WDR7: variants seen among roughly 807,000 people sequenced by gnomAD.
WDR7 encodes the protein WD repeat domain 7.
Under a neutral mutation model 169.4 loss-of-function variants are expected in WDR7, and 46 were observed. The observed-to-expected ratio is 0.27, with a 90% CI of 0.21 to 0.35. The LOEUF is 0.35. WDR7 is among the 10% of genes least tolerant of loss of function. The pLI is 1.00. For synonymous variants in WDR7, 612 were observed against 666.8 expected, an observed-to-expected ratio of 0.92 and a Z score of 1.27; for missense variants, 1,534 against 1,859.3, an observed-to-expected ratio of 0.83 and a Z score of 3.22.
intron 1 of WDR7, among the ~76,000 whole-genome samples, chr18:56,658,861 C>T (rs2024837814): frequency 6.6e-6 from 1 of 152,024 alleles, no homozygotes; most frequent in African/African-American, 2.4e-5. Context: ...TACAGGCGTG[C>T]ACCACTGTGC....
intron 16 of WDR7, 28 bp downstream of exon 16, chr18:56,758,981 A>C: frequency 6.4e-7 from 1 of 1,571,904 alleles, no homozygotes; most frequent in Non-Finnish European, 8.7e-7. Flanking sequence ...TAAGTAATTG[A>C]CATGACATTT....
intron 26 of WDR7, among the ~76,000 whole-genome samples, chr18:56,984,066 G>GA (rs1372759766): frequency 2.1e-5 from 3 of 142,786 alleles, no homozygotes; most frequent in Non-Finnish European, 4.8e-5. Flanking sequence ...TTATCCGTTT[G>GA]AAAAAAAGAA....
chr18:56,993,737 C>T (rs1358135015), intron 26 of WDR7, among the ~76,000 whole-genome samples: 3 of 152,070 alleles, frequency 2.0e-5, no homozygotes, highest in African/African-American at 7.2e-5. Context: ...TGTGTTTTTC[C>T]TGTTCATCCG....
At chr18:56,795,900 A>G (rs1041767759) in intron 19 of WDR7, among the ~76,000 whole-genome samples, 5 of 152,152 alleles carry the variant, frequency 3.3e-5, no homozygotes, top group Admixed American at 2.0e-4. Context: ...AGTTACATTC[A>G]TTTGTTTCAT....
intron 20 of WDR7, among the ~76,000 whole-genome samples, chr18:56,844,412 T>C (rs561523035): frequency 1.3e-5 from 2 of 152,326 alleles, no homozygotes; most frequent in South Asian, 4.1e-4. Context: ...ACTTCATTTA[T>C]ATGAGAGTGG....
rs1229856439 is a variant in WDR7 at position 56,651,580 on chromosome 18, A to AC, written c.-20+4_-20+5insC. ...GCATGAGATGAAGCTGTGACAGGTA[A>AC]GGGGGCTTTCAAGCTTCTCCATGGG... On this transcript the variant is annotated splice_donor_region_variant and intron_variant, in intron 1 of 27. Coordinates refer to ENST00000254442, the MANE Select transcript of WDR7 (RefSeq NM_015285.3). 2 of 152,544 alleles carry AC rather than the reference A, an allele frequency of 1.3e-5. No homozygotes were observed. Among genetic ancestry groups the AC allele is most frequent in the Non-Finnish European group, 2.9e-5 (2 of 68,320 alleles). The allele number at this position is 152,544 out of a possible 1,614,324, so 9.4% of individuals were successfully genotyped here.
intron 20 of WDR7, among the ~76,000 whole-genome samples, chr18:56,832,307 A>T (rs1452048674): frequency 6.6e-6 from 1 of 152,216 alleles, no homozygotes; most frequent in African/African-American, 2.4e-5. Context: ...TTCTCTGGGC[A>T]GGGCATCTCT....
At chr18:56,809,920 T>C (rs1235484551) in intron 19 of WDR7, among the ~76,000 whole-genome samples, 1 of 152,116 alleles carries the variant, frequency 6.6e-6, no homozygotes, top group Non-Finnish European at 1.5e-5. Context: ...AAATTTTGCT[T>C]TACCTCTTTA....
chr18:56,785,863 G>A (rs955748834), intron 19 of WDR7, among the ~76,000 whole-genome samples: 93 of 145,308 alleles, frequency 6.4e-4, no homozygotes, highest in Non-Finnish European at 4.8e-4. Context: ...ACAGGGTCTC[G>A]CTGTGTTGTC....
At chr18:56,752,787 T>C (rs1441856056) in intron 14 of WDR7, among the ~76,000 whole-genome samples, 2 of 152,060 alleles carry the variant, frequency 1.3e-5, no homozygotes, top group African/African-American at 4.8e-5. Flanking sequence ...GCTTGAAAAA[T>C]TTGTAAGTAA....
At chr18:56,883,082 C>T (rs1183124589) in intron 21 of WDR7, among the ~76,000 whole-genome samples, 1 of 152,086 alleles carries the variant, frequency 6.6e-6, no homozygotes. Context: ...CGGTGGCAGG[C>T]GCCTGTAGTC....
At chr18:56,895,529 A>AT in intron 21 of WDR7, among the ~76,000 whole-genome samples, 1 of 151,862 alleles carries the variant, frequency 6.6e-6, no homozygotes, top group African/African-American at 2.4e-5. Flanking sequence ...GTTAAAATAA[A>AT]TTAAAATGAT....
At chr18:56,932,519 G>T (rs1162532782) in intron 22 of WDR7, among the ~76,000 whole-genome samples, 1 of 152,160 alleles carries the variant, frequency 6.6e-6, no homozygotes, top group East Asian at 1.9e-4. Context: ...TAGGCCTCTT[G>T]GCTTGAAGCA....
At chr18:56,822,236 T>G (rs1323099725) in intron 20 of WDR7, among the ~76,000 whole-genome samples, 1 of 152,208 alleles carries the variant, frequency 6.6e-6, no homozygotes, top group Non-Finnish European at 1.5e-5. Flanking sequence ...AATAGAAGTA[T>G]TTTTCATTAC....
At chr18:56,748,689 CTG>C (rs764582926) in intron 14 of WDR7, among the ~76,000 whole-genome samples, 213 of 152,088 alleles carry the variant, frequency 1.4e-3, no homozygotes, top group Non-Finnish European at 2.1e-3. Flanking sequence ...AACATGAAGT[CTG>C]TGACTGTATT....
chr18:56,754,572 G>A (rs542500250), intron 14 of WDR7, among the ~76,000 whole-genome samples: 27 of 152,144 alleles, frequency 1.8e-4, no homozygotes, highest in South Asian at 1.0e-3. Flanking sequence ...GTGTGGATGA[G>A]TGTATAGTTT....
chr18:56,752,532 C>T (rs1482447499), intron 14 of WDR7, among the ~76,000 whole-genome samples: 1 of 152,144 alleles, frequency 6.6e-6, no homozygotes, highest in Non-Finnish European at 1.5e-5. Flanking sequence ...AAAACCATTT[C>T]TGACTCGTCT....
At chr18:56,738,563 AAAAC>A (rs944930613) in intron 14 of WDR7, among the ~76,000 whole-genome samples, 23 of 152,186 alleles carry the variant, frequency 1.5e-4, no homozygotes, top group African/African-American at 3.6e-4. Context: ...GTCTCAAACA[AAAAC>A]AAACAAACAA....
At chr18:56,758,107 T>C (rs2043926040) in intron 15 of WDR7, among the ~76,000 whole-genome samples, 1 of 152,196 alleles carries the variant, frequency 6.6e-6, no homozygotes, top group Non-Finnish European at 1.5e-5. Context: ...AAAAAACTAT[T>C]TAAAATGCAG....
Sources: allele counts gnomAD v4.1 joint callset (sites outside exome capture counted in the v4.1 genomes callset), GRCh38; gene constraint gnomAD v4.1.1; transcripts MANE v1.5; gene names NCBI Gene and HGNC (gene_info 2026-07-23, HGNC 2026-07-21).